Variants in CTH observed in about 807,000 individuals in gnomAD.
CTH encodes cystathionine gamma-lyase, also known as cystathionase (cystathionine gamma-lyase).
Under a neutral mutation model 50.6 loss-of-function variants are expected in CTH, and 41 were observed. That is an observed-to-expected ratio of 0.81 (90% CI 0.63 to 1.05). The LOEUF (loss-of-function observed/expected upper bound fraction) is 1.05, where lower values mean the gene tolerates loss of function less well. Ranked by LOEUF, CTH falls within the 50% of genes least tolerant of loss-of-function variation. CTH has a pLI of 0.00. For synonymous variants in CTH, 156 were observed against 168.9 expected, an observed-to-expected ratio of 0.92 and a Z score of 0.59; for missense variants, 470 against 492.6, an observed-to-expected ratio of 0.95 and a Z score of 0.43.
intron 8 of CTH, among the ~76,000 whole-genome samples, 168 bp downstream of exon 8, chr1:70,432,403 G>A (rs1399288194): frequency 6.6e-6 from 1 of 152,198 alleles, no homozygotes; most frequent in African/African-American, 2.4e-5. Flanking sequence ...CAGGTGGAAA[G>A]AAGATAGACC....
intron 4 of CTH, among the ~76,000 whole-genome samples, chr1:70,421,924 TTA>T (rs1684233059): frequency 6.6e-6 from 1 of 152,194 alleles, no homozygotes; most frequent in South Asian, 2.1e-4. Context: ...GGCAAATTAT[TTA>T]ACCAAAGTCT....
intron 8 of CTH, among the ~76,000 whole-genome samples, chr1:70,433,488 C>T (rs1684525830): frequency 6.6e-6 from 1 of 152,086 alleles, no homozygotes; most frequent in Non-Finnish European, 1.5e-5. Context: ...TGGATTTGCC[C>T]TCATGGAGCA....
At chr1:70,429,677 C>T (rs1684421476) in intron 5 of CTH, 117 bp from the exon 6 acceptor site, 4 of 751,906 alleles carry the variant, frequency 5.3e-6, no homozygotes, top group Admixed American at 4.8e-5. Context: ...GATGCACATA[C>T]TTTTGCAAAG....
chr1:70,416,430 T>C lies in CTH; in HGVS notation c.250+393T>C, dbSNP rs116510785. Reference sequence around the variant, plus strand: ...TTTTGAGACAGGGTCTCTCATTCTGTTGCTCAGGCTGGAGTGCAGTGGCAC... The same window carrying C: ...TTTTGAGACAGGGTCTCTCATTCTGCTGCTCAGGCTGGAGTGCAGTGGCAC... On this transcript the variant is annotated intron_variant, in intron 2 of 11. Coordinates refer to ENST00000370938, the MANE Select transcript of CTH (RefSeq NM_001902.6). 4.6e-3 allele frequency among the ~76,000 whole-genome samples: 697 copies of C among 152,286 alleles called. 5 individuals carry two copies. The highest frequency in any genetic ancestry group is 0.016 in the African/African-American group (671 of 41,560).
chr1:70,418,309 G>A (rs1684138384), intron 3 of CTH, among the ~76,000 whole-genome samples: 2 of 152,116 alleles, frequency 1.3e-5, no homozygotes, highest in Admixed American at 6.5e-5. Flanking sequence ...GAGTGGAGTG[G>A]TACGATCTCA....
At chr1:70,418,230 T>C (rs547417773) in intron 3 of CTH, among the ~76,000 whole-genome samples, 198 bp downstream of exon 3, 159 of 152,286 alleles carry the variant, frequency 1.0e-3, no homozygotes, top group African/African-American at 3.6e-3. Flanking sequence ...TGGAACTGCT[T>C]ATAAGAGAGA....
intron 10 of CTH, among the ~76,000 whole-genome samples, chr1:70,435,593 A>T (rs1684580954): frequency 6.6e-6 from 1 of 151,700 alleles, no homozygotes; most frequent in Non-Finnish European, 1.5e-5. Flanking sequence ...CATGCCCTTG[A>T]TTGTTGGAGA....
intron 3 of CTH, among the ~76,000 whole-genome samples, chr1:70,420,042 G>T (rs1343512473): frequency 6.6e-6 from 1 of 150,838 alleles, no homozygotes; most frequent in African/African-American, 2.4e-5. Context: ...TGCCAGGCTG[G>T]AGTGCAGTGG....
At chr1:70,423,059 CCA>C (rs1684261814) in intron 4 of CTH, among the ~76,000 whole-genome samples, 4 of 151,860 alleles carry the variant, frequency 2.6e-5, no homozygotes, top group Admixed American at 2.6e-4. Flanking sequence ...ATGTTTAAGT[CCA>C]TGTAAAACCT....
At chr1:70,428,578 T>A (rs1684397477) in intron 5 of CTH, among the ~76,000 whole-genome samples, 1 of 147,150 alleles carries the variant, frequency 6.8e-6, no homozygotes, top group Non-Finnish European at 1.5e-5. Flanking sequence ...TTATTTTTCT[T>A]AATTCTCCCA....
chr1:70,434,593 A>G (rs1454032818), intron 9 of CTH, among the ~76,000 whole-genome samples: 1 of 151,698 alleles, frequency 6.6e-6, no homozygotes, highest in Non-Finnish European at 1.5e-5. Flanking sequence ...ACATAAAAAC[A>G]GTGGTTTTTT....
intron 8 of CTH, among the ~76,000 whole-genome samples, chr1:70,432,980 A>G (rs766307233): frequency 6.6e-5 from 10 of 152,104 alleles, no homozygotes; most frequent in Admixed American, 2.0e-4. Context: ...CACTACGCCC[A>G]GCCCCCTGAG....
intron 1 of CTH, among the ~76,000 whole-genome samples, chr1:70,413,259 C>CTTTT (rs11295998): frequency 3.7e-4 from 52 of 139,150 alleles, no homozygotes; most frequent in Middle Eastern, 3.6e-3. Context: ...TTCTTTCTTT[C>CTTTT]TTTTTTTTTT....
At chr1:70,432,779 G>A (rs915106945) in intron 8 of CTH, among the ~76,000 whole-genome samples, 1 of 148,468 alleles carries the variant, frequency 6.7e-6, no homozygotes, top group Non-Finnish European at 1.5e-5. Flanking sequence ...TGCCTCCCGG[G>A]TTCAAGTGAT....
chr1:70,416,861 C>CT (rs548362982), intron 2 of CTH, among the ~76,000 whole-genome samples: 19 of 151,590 alleles, frequency 1.3e-4, no homozygotes, highest in South Asian at 4.2e-4. Flanking sequence ...CACGCCCAGC[C>CT]TTTTTTTTGT....
chr1:70,429,795 G>A lies in CTH; in HGVS notation c.590G>A (p.Arg197His), dbSNP rs142475948. ...AAAGTAAAAAACTTGTTCTTTCAGC[G>A]CCCTTTGGCTCTGGGAGCTGATATT... is the stretch of plus-strand genomic sequence containing the variant. The part of the protein sequence containing the change: ...DNTFMSPYFQ[R>H]PLALGADISM... Residue 197 changes from arginine to histidine, a missense_variant and splice_region_variant, in exon 6 of 12, where the codon CGC (arginine) becomes CAC (histidine). Physicochemically the swap from Arg to His is conservative, Grantham distance 29. Coordinates refer to ENST00000370938, the MANE Select transcript of CTH (RefSeq NM_001902.6). 52 of 1,610,676 alleles carry A rather than the reference G, an allele frequency of 3.2e-5. No individual in the cohort carries two copies. In the African/African-American group the frequency reaches 4.5e-4, roughly 14 times the overall value.
intron 9 of CTH, 111 bp downstream of exon 9, chr1:70,434,060 C>T (rs1684543055): frequency 4.6e-6 from 7 of 1,536,390 alleles, no homozygotes; most frequent in Non-Finnish European, 5.3e-6. Flanking sequence ...AGGTTACACT[C>T]ATAAACCTCT....
chr1:70,427,720 T>C (rs1405950346), intron 5 of CTH, among the ~76,000 whole-genome samples: 1 of 152,102 alleles, frequency 6.6e-6, no homozygotes, highest in East Asian at 1.9e-4. Context: ...TTTTGTTTGT[T>C]TGTTTGTTTT....
chr1:70,424,414 C>T lies in CTH; in HGVS notation c.586C>T (p.Gln196Ter), dbSNP rs1338806487. ...VDNTFMSPYF[Q>*]RPLALGADIS... ...TAACACTTTTATGTCACCATATTTC[C>T]AGGTAAATGAAAATAATTTTTTTTG... The change falls in exon 5 of 12, where the codon CAG becomes TAG. Residue 196 changes from glutamine to a stop codon, truncating the protein, a stop_gained and splice_region_variant. Transcript: ENST00000370938. LOFTEE classifies it high-confidence loss of function. 6.2e-7 allele frequency: 1 copy of T among 1,613,768 alleles called. No individual in the cohort carries two copies. Among genetic ancestry groups the T allele is most frequent in the South Asian group, 1.1e-5 (1 of 91,056 alleles).
Sources: gnomAD v4.1 joint callset for allele counts (sites outside exome capture counted in the v4.1 genomes callset) on GRCh38, gnomAD v4.1.1 for gene constraint, MANE v1.5 for transcripts, NCBI Gene and HGNC (gene_info 2026-07-23, HGNC 2026-07-21) for gene names.